Variants in SLIT3 observed in about 807,000 individuals in gnomAD.
SLIT3 encodes the protein slit guidance ligand 3.
Under a neutral mutation model 184.0 loss-of-function variants are expected in SLIT3, and 68 were observed. The ratio of observed to expected loss-of-function variants is 0.37; its 90% CI spans 0.30 to 0.45. The LOEUF (loss-of-function observed/expected upper bound fraction) is 0.45, where lower values mean the gene tolerates loss of function less well. Among genes scored for constraint, SLIT3 ranks in the 20% least tolerant of loss-of-function variants. The pLI, the probability that SLIT3 is intolerant of heterozygous loss-of-function variation, is 1.00. For missense variants in SLIT3, 1,707 were observed against 2,026.0 expected (o/e 0.84, Z 3.02); for synonymous variants, 831 against 828.6 (o/e 1.00, Z -0.05).
chr5:169,000,568 A>ACAT (rs893528220), intron 4 of SLIT3, among the ~76,000 whole-genome samples: 107 of 152,276 alleles, frequency 7.0e-4, no homozygotes, highest in African/African-American at 2.5e-3. Context: ...ATCTTATGTA[A>ACAT]AACAAAAATT....
intron 29 of SLIT3, among the ~76,000 whole-genome samples, chr5:168,690,862 G>A (rs1209119428): frequency 2.0e-5 from 3 of 152,140 alleles, no homozygotes; most frequent in African/African-American, 7.2e-5. Flanking sequence ...TGTGAAAATA[G>A]AAAAGGAAGA....
At chr5:169,118,894 T>TA (rs1158065353) in intron 4 of SLIT3, among the ~76,000 whole-genome samples, 2 of 152,374 alleles carry the variant, frequency 1.3e-5, no homozygotes, top group East Asian at 3.9e-4. Context: ...ATTTTTAATT[T>TA]TTTTTTTACA....
chr5:168,895,985 T>G (rs1171828720), intron 4 of SLIT3, among the ~76,000 whole-genome samples: 1 of 152,148 alleles, frequency 6.6e-6, no homozygotes, highest in African/African-American at 2.4e-5. Flanking sequence ...TCGTGCCAAA[T>G]AGAATCAACT....
At chr5:168,906,985 C>T (rs893020912) in intron 4 of SLIT3, among the ~76,000 whole-genome samples, 8 of 152,130 alleles carry the variant, frequency 5.3e-5, no homozygotes, top group East Asian at 1.9e-4. Context: ...CTCAGCCTCC[C>T]GAGTAGCTGG....
At chr5:168,809,731 C>T (rs755497754) in intron 8 of SLIT3, among the ~76,000 whole-genome samples, 11 of 152,196 alleles carry the variant, frequency 7.2e-5, no homozygotes, top group Non-Finnish European at 1.0e-4. Flanking sequence ...CATAAGCATA[C>T]CTTGGCTAAA....
At chr5:169,143,781 CAG>C (rs1275469408) in intron 4 of SLIT3, among the ~76,000 whole-genome samples, 8 of 151,990 alleles carry the variant, frequency 5.3e-5, no homozygotes, top group East Asian at 3.9e-4. Context: ...GCCTGGGTGA[CAG>C]AGCCAGAAAA....
In SLIT3 at chr5:168,828,658, C is replaced by CAAAAAAAAAAAAAAAAAAA. The variant is rs56974958; in HGVS notation, c.558-5328_558-5327insTTTTTTTTTTTTTTTTTTT. Among the ~76,000 whole-genome samples, 55 of 97,078 alleles carry CAAAAAAAAAAAAAAAAAAA rather than the reference C, an allele frequency of 5.7e-4. 1 individual carries two copies. The highest frequency in any genetic ancestry group is 8.3e-4 in the South Asian group (2 of 2,418). The allele number at this position is 97,078 out of a possible 152,430, so 63.7% of individuals were successfully genotyped here. On this transcript the variant is annotated intron_variant, in intron 6 of 35. Coordinates refer to ENST00000519560, the MANE Select transcript of SLIT3 (RefSeq NM_003062.4). ...TGGGTGACAGAGTGAGATCCTGACT[C>CAAAAAAAAAAAAAAAAAAA]AAAAAAAAAAAAGAAAAAAGAAAAA...
intron 4 of SLIT3, among the ~76,000 whole-genome samples, chr5:168,940,427 T>C (rs1762293557): frequency 6.6e-6 from 1 of 152,194 alleles, no homozygotes; most frequent in Non-Finnish European, 1.5e-5. Context: ...CTATTATTTC[T>C]ATTTAAATGA....
chr5:168,856,729 ATTGCAT>A (rs138856871), intron 5 of SLIT3, among the ~76,000 whole-genome samples: 4,201 of 150,084 alleles, frequency 0.028, 210 homozygotes, highest in African/African-American at 0.097. Flanking sequence ...ATCTCAGTAG[ATTGCAT>A]TTGCATTTGC....
chr5:168,808,779 G>A (rs935982240), intron 8 of SLIT3, among the ~76,000 whole-genome samples: 6 of 152,156 alleles, frequency 3.9e-5, no homozygotes, highest in Admixed American at 2.6e-4. Flanking sequence ...CGGTGTGAAA[G>A]GCTCCCATCC....
rs767560268 is a variant in SLIT3 at position 168,760,869 on chromosome 5, G to A, written c.1678C>T (p.Arg560Trp). 8.7e-6 allele frequency: 14 copies of A among 1,612,524 alleles called. No homozygotes were observed. Among genetic ancestry groups the A allele is most frequent in the South Asian group, 6.6e-5 (6 of 91,046 alleles). The stretch of plus-strand genomic sequence containing the variant: ...TTCCTGAAGTTGACTTACATTTTCC[G>A]CAGGTTGGGCAACTTCTTGAAGATG... Reference protein sequence around the residue: ...TGIFKKLPNLRKINLSNNKIK... With the variant: ...TGIFKKLPNLWKINLSNNKIK... Residue 560 changes from arginine to tryptophan, a missense_variant, in exon 16 of 36, where the codon CGG (arginine) becomes TGG (tryptophan). By Grantham distance (101) the Arg-to-Trp change is moderately radical. Transcript: ENST00000519560.
chr5:168,963,441 G>A lies in SLIT3; in HGVS notation c.414-80105C>T, dbSNP rs767352622. Reference sequence around the variant, plus strand: ...CCTGCCTTGGCCTCCCAAAGTGCTGGGATTACAGGCATGAGGCACTGTGCC... The same window carrying A: ...CCTGCCTTGGCCTCCCAAAGTGCTGAGATTACAGGCATGAGGCACTGTGCC... On this transcript the variant is annotated intron_variant, in intron 4 of 35. Transcript: ENST00000519560. Among the ~76,000 whole-genome samples the A allele has an allele frequency of 1.7e-4, 26 of 152,202 alleles. 1 individual carries two copies. The highest frequency in any genetic ancestry group is 7.3e-5 in the Non-Finnish European group (5 of 68,046).
At chr5:169,032,506 G>T (rs1306050870) in intron 4 of SLIT3, among the ~76,000 whole-genome samples, 1 of 132,836 alleles carries the variant, frequency 7.5e-6, no homozygotes, top group Non-Finnish European at 1.5e-5. Flanking sequence ...TTATGTGCCA[G>T]TCATTTTTTT....
chr5:168,729,153 T>C (rs12518165), intron 20 of SLIT3, among the ~76,000 whole-genome samples: 8,362 of 151,906 alleles, frequency 0.055, 578 homozygotes, highest in Admixed American at 0.2. Flanking sequence ...GTACATAAAG[T>C]GACCAAACTT....
chr5:168,844,865 G>C lies in SLIT3; in HGVS notation c.486-210C>G, dbSNP rs992842969. The stretch of plus-strand genomic sequence containing the variant: ...ACTACACAGACGAGCGCACCAAAAG[G>C]CTGTCAGGTCTCAGTAAATATTAAT... On this transcript the variant is annotated intron_variant, in intron 5 of 35. Transcript: ENST00000519560. 4 of 525,552 alleles carry C rather than the reference G, an allele frequency of 7.6e-6. 1 individual carries two copies. Among genetic ancestry groups the C allele is most frequent in the Admixed American group, 3.2e-5 (1 of 31,132 alleles). The allele number at this position is 525,552 out of a possible 1,614,324, so 32.6% of individuals were successfully genotyped here. A position where few individuals can be genotyped will look rare whatever the true frequency, so the allele number is the denominator to read the frequency against.
At chr5:169,205,808 G>A (rs939632649) in intron 3 of SLIT3, among the ~76,000 whole-genome samples, 28 of 152,154 alleles carry the variant, frequency 1.8e-4, no homozygotes, top group Admixed American at 1.6e-3. Context: ...CCAGAGTATC[G>A]CAACCAGGTT....
intron 4 of SLIT3, among the ~76,000 whole-genome samples, chr5:168,976,303 G>A (rs1232206650): frequency 1.3e-5 from 2 of 152,072 alleles, no homozygotes; most frequent in East Asian, 3.9e-4. Context: ...TGATTCAATC[G>A]TTCTCAATGT....
intron 4 of SLIT3, among the ~76,000 whole-genome samples, chr5:169,017,425 A>C (rs1756428179): frequency 6.6e-6 from 1 of 152,230 alleles, no homozygotes; most frequent in African/African-American, 2.4e-5. Flanking sequence ...GCATGGCATG[A>C]AATGGGGCTA....
At chr5:168,851,135 CACA>C (rs1758656796) in intron 5 of SLIT3, among the ~76,000 whole-genome samples, 1 of 152,024 alleles carries the variant, frequency 6.6e-6, no homozygotes, top group South Asian at 2.1e-4. Flanking sequence ...CATCCTGGCT[CACA>C]CGGTGAAACC....
Sources: gnomAD v4.1 joint callset for allele counts (sites outside exome capture counted in the v4.1 genomes callset) on GRCh38, gnomAD v4.1.1 for gene constraint, MANE v1.5 for transcripts, NCBI Gene and HGNC (gene_info 2026-07-23, HGNC 2026-07-21) for gene names.